RBFOX3: variants seen among roughly 807,000 people sequenced by gnomAD.
RBFOX3 encodes RNA binding protein fox-1 homolog 3.
A neutral mutation model predicts 48.7 loss-of-function variants in RBFOX3; 17 were observed. The ratio of observed to expected loss-of-function variants is 0.35; its 90% CI spans 0.24 to 0.52. RBFOX3 has a LOEUF of 0.52. Among genes scored for constraint, RBFOX3 ranks in the 20% least tolerant of loss-of-function variants. The probability of loss-of-function intolerance (pLI) is 0.94; values close to 1 mark genes in which losing one functional copy is unlikely to be tolerated. For missense variants in RBFOX3, 382 were observed against 497.5 expected, an observed-to-expected ratio of 0.77 and a Z score of 2.21; for synonymous variants, 212 against 209.5, an observed-to-expected ratio of 1.01 and a Z score of -0.10.
In RBFOX3 at chr17:79,423,954, A is replaced by G; in HGVS notation, c.-175+58500T>C. The G allele has an allele frequency of 6.5e-6, 1 of 153,054 alleles. No individual in the cohort carries two copies. Among genetic ancestry groups the G allele is most frequent in the Non-Finnish European group, 1.5e-5 (1 of 68,282 alleles). 9.5% of individuals were successfully genotyped at this position (153,054 alleles called of 1,614,324 possible). ...GGCTCCCTCTTGTCCTCTCTTGGCA[A>G]GGGCCAGCCAGCCTGCAGCCCTAGC... On this transcript the variant is annotated intron_variant, in intron 2 of 14. Coordinates refer to ENST00000693108, the MANE Select transcript of RBFOX3 (RefSeq NM_001350451.2). The surrounding 1 kb of genome is among the most constrained non-coding windows in gnomAD (Gnocchi z 4.9).
At chr17:79,449,727 T>G (rs1456171374) in intron 2 of RBFOX3, among the ~76,000 whole-genome samples, 1 of 151,600 alleles carries the variant, frequency 6.6e-6, no homozygotes, top group Non-Finnish European at 1.5e-5. Flanking sequence ...GGATGGCAGG[T>G]GACCCCAGCT....
chr17:79,122,454 G>T (rs2036008532), intron 4 of RBFOX3, among the ~76,000 whole-genome samples: 1 of 152,058 alleles, frequency 6.6e-6, no homozygotes, highest in African/African-American at 2.4e-5. Context: ...GTATAAAAAG[G>T]TGCTCACCAT....
the RBFOX3 span, among the ~76,000 whole-genome samples, chr17:79,660,677 G>C: frequency 6.6e-6 from 1 of 152,204 alleles, no homozygotes; most frequent in Non-Finnish European, 1.5e-5. Context: ...GAAAAGGAAT[G>C]TTTTTACCCT....
At chr17:79,570,958 G>C (rs995998298) in intron 1 of RBFOX3, among the ~76,000 whole-genome samples, 1 of 151,622 alleles carries the variant, frequency 6.6e-6, no homozygotes, top group African/African-American at 2.4e-5. Flanking sequence ...TGAAGGATGA[G>C]GGGGGGCCCC....
intron 12 of RBFOX3, among the ~76,000 whole-genome samples, 166 bp from the exon 13 acceptor site, chr17:79,095,740 G>A (rs2075101092): frequency 6.6e-6 from 1 of 152,218 alleles, no homozygotes; most frequent in African/African-American, 2.4e-5. Context: ...GTGGTACCTG[G>A]CCTGGGCACC....
At chr17:79,467,201 G>C (rs1393634016) in intron 2 of RBFOX3, among the ~76,000 whole-genome samples, 1 of 151,990 alleles carries the variant, frequency 6.6e-6, no homozygotes, top group African/African-American at 2.4e-5. Flanking sequence ...GGGGTCCTAG[G>C]GTCTCTCACC....
chr17:79,536,323 C>G (rs782083161), intron 1 of RBFOX3, among the ~76,000 whole-genome samples: 1 of 152,236 alleles, frequency 6.6e-6, no homozygotes, highest in Non-Finnish European at 1.5e-5. Flanking sequence ...CCACCTGCCT[C>G]GGCCTCCCAA....
At chr17:79,217,697 A>G (rs550818693) in intron 4 of RBFOX3, among the ~76,000 whole-genome samples, 13 of 152,068 alleles carry the variant, frequency 8.5e-5, no homozygotes, top group African/African-American at 3.1e-4. Context: ...CCTTGACTCC[A>G]TGCCTGCAGC....
chr17:79,118,450 G>C (rs191846336), intron 4 of RBFOX3, among the ~76,000 whole-genome samples: 1 of 152,098 alleles, frequency 6.6e-6, no homozygotes, highest in Admixed American at 6.5e-5. Context: ...GGAGGAGGAG[G>C]GGGAAGGAGA....
At chr17:79,309,821 C>T (rs2076600374) in intron 2 of RBFOX3, among the ~76,000 whole-genome samples, 1 of 152,276 alleles carries the variant, frequency 6.6e-6, no homozygotes, top group South Asian at 2.1e-4. Context: ...TCATCTCCCG[C>T]CACCATGTAA....
intron 5 of RBFOX3, among the ~76,000 whole-genome samples, chr17:79,107,179 C>T (rs12450725): frequency 0.023 from 3,571 of 152,336 alleles, 207 homozygotes; most frequent in Admixed American, 0.13. Flanking sequence ...GAGGACCCCA[C>T]TGTCTTTCAA....
chr17:79,512,881 A>C (rs181292624), intron 1 of RBFOX3, among the ~76,000 whole-genome samples: 1 of 60,908 alleles, frequency 1.6e-5, no homozygotes, highest in African/African-American at 5.3e-5. Context: ...CCGGATACGT[A>C]TTACCATCGG....
chr17:79,381,627 G>A (rs952992377), intron 2 of RBFOX3, among the ~76,000 whole-genome samples: 2 of 152,214 alleles, frequency 1.3e-5, no homozygotes, highest in African/African-American at 4.8e-5. Flanking sequence ...CACTTGGTGT[G>A]TGAATAAACT....
chr17:79,404,239 G>T (rs2148469486), intron 2 of RBFOX3, among the ~76,000 whole-genome samples: 1 of 152,376 alleles, frequency 6.6e-6, no homozygotes, highest in Non-Finnish European at 1.5e-5. Flanking sequence ...CGTGAGGACA[G>T]TGGGCGTGGG....
intron 4 of RBFOX3, among the ~76,000 whole-genome samples, chr17:79,141,403 T>G (rs913774223): frequency 6.6e-6 from 1 of 152,188 alleles, no homozygotes; most frequent in African/African-American, 2.4e-5. Flanking sequence ...GCAGAGGCCC[T>G]GCCTAGGGCT....
At chr17:79,152,446 G>T (rs568440669) in intron 4 of RBFOX3, among the ~76,000 whole-genome samples, 1 of 89,800 alleles carries the variant, frequency 1.1e-5, no homozygotes, top group East Asian at 3.4e-4. Flanking sequence ...ACCTCCTTAG[G>T]GGGGACTAGG....
chr17:79,300,655 G>A (rs1255236192), intron 3 of RBFOX3, among the ~76,000 whole-genome samples: 1 of 152,216 alleles, frequency 6.6e-6, no homozygotes, highest in African/African-American at 2.4e-5. Context: ...AGACCATTTC[G>A]GATAAAGATG....
chr17:79,124,947 C>T (rs12943976), intron 4 of RBFOX3, among the ~76,000 whole-genome samples: 33,285 of 151,354 alleles, frequency 0.22, 4,776 homozygotes, highest in Non-Finnish European at 0.32. Context: ...ACGACTCTCC[C>T]CACTCCCTGG....
chr17:79,433,563 C>A (rs939573920), intron 2 of RBFOX3, among the ~76,000 whole-genome samples: 2 of 152,186 alleles, frequency 1.3e-5, no homozygotes, highest in African/African-American at 4.8e-5. Context: ...GGACCTCTGT[C>A]GTGGCTGGGA....
Sources: allele counts gnomAD v4.1 joint callset (sites outside exome capture counted in the v4.1 genomes callset), GRCh38; gene constraint gnomAD v4.1.1; non-coding constraint Gnocchi (gnomAD v3.1); transcripts MANE v1.5; gene names NCBI Gene and HGNC (gene_info 2026-07-23, HGNC 2026-07-21).